The following LAMA3 variants were observed in gnomAD, a reference collection of about 807,000 sequenced individuals.
LAMA3 encodes the protein laminin subunit alpha-3.
In LAMA3, 281 loss-of-function variants were observed where a neutral mutation model predicts 402.0. That is an observed-to-expected ratio of 0.70 (90% CI 0.63 to 0.77). LAMA3 has a LOEUF of 0.77. Ranked by LOEUF, LAMA3 falls within the 30% of genes least tolerant of loss-of-function variation. The pLI, the probability that LAMA3 is intolerant of heterozygous loss-of-function variation, is 0.00. For missense variants in LAMA3, 3,840 were observed against 4,215.5 expected (o/e 0.91, Z 2.47); for synonymous variants, 1,431 against 1,558.4 (o/e 0.92, Z 1.93).
At chr18:23,787,281 TCAAA>T (rs1301059034) in intron 12 of LAMA3, among the ~76,000 whole-genome samples, 16 of 151,834 alleles carry the variant, frequency 1.1e-4, no homozygotes, top group African/African-American at 3.6e-4. Flanking sequence ...AAACTCTGTC[TCAAA>T]TAAATAAATA....
intron 8 of LAMA3, among the ~76,000 whole-genome samples, chr18:23,773,081 T>C (rs186314582): frequency 6.6e-6 from 1 of 152,242 alleles, no homozygotes; most frequent in Non-Finnish European, 1.5e-5. Flanking sequence ...CCTTCCAAAA[T>C]TGGAGAAGGT....
chr18:23,909,429 A>C, intron 55 of LAMA3, 134 bp downstream of exon 55: 1 of 827,942 alleles, frequency 1.2e-6, no homozygotes, highest in Non-Finnish European at 2.0e-6. Flanking sequence ...TGTTGCTTGA[A>C]TATAAAGATT....
intron 47 of LAMA3, among the ~76,000 whole-genome samples, chr18:23,900,444 G>A (rs891480892): frequency 6.6e-6 from 1 of 152,010 alleles, no homozygotes; most frequent in Admixed American, 6.6e-5. Context: ...TTCTATTTGT[G>A]GCATCATGTC....
At chr18:23,894,792 T>G in intron 43 of LAMA3, 115 bp from the exon 44 acceptor site, 1 of 1,316,476 alleles carries the variant, frequency 7.6e-7, no homozygotes, top group Non-Finnish European at 1.1e-6. Context: ...AGGGCTGTGG[T>G]TGTCACCCGT....
Position 23,903,145 on chromosome 18 carries a change from T to C in LAMA3, c.6318+20T>C. The C allele has an allele frequency of 7.2e-7, 1 of 1,388,088 alleles. No individual in the cohort carries two copies. Among genetic ancestry groups the C allele is most frequent in the Non-Finnish European group, 1.0e-6 (1 of 973,960 alleles). 86.0% of individuals were successfully genotyped at this position (1,388,088 alleles called of 1,614,324 possible). A position where few individuals can be genotyped will look rare whatever the true frequency, so the allele number is the denominator to read the frequency against. ...CAGAAGGTAGAGGAAATAGTTGTTC[T>C]CTAGAAAAATCTAAAAACATTTTAA... is the stretch of plus-strand genomic sequence containing the variant. On this transcript the variant is annotated intron_variant, in intron 49 of 74. Transcript: ENST00000313654.
rs139495056 is a variant in LAMA3 at position 23,873,063 on chromosome 18, C to T, written c.4998+1402C>T. 5.0e-6 allele frequency: 8 copies of T among 1,614,174 alleles called. No individual in the cohort carries two copies. The highest frequency in any genetic ancestry group is 6.8e-6 in the Non-Finnish European group (8 of 1,180,016). ...AACCGGGATGCCTCCAGCAGTGAGG[C>T]GGTCAGCCTGCAGCATGGGATGGCT... On this transcript the variant is annotated intron_variant, in intron 38 of 74. Coordinates refer to ENST00000313654, the MANE Select transcript of LAMA3 (RefSeq NM_198129.4).
chr18:23,859,706 G>A (rs1457210200), intron 34 of LAMA3, among the ~76,000 whole-genome samples: 1 of 152,178 alleles, frequency 6.6e-6, no homozygotes, highest in Non-Finnish European at 1.5e-5. Flanking sequence ...ACCCACCCAG[G>A]AGCTCTCCCA....
chr18:23,697,308 A>G (rs943732954), intron 1 of LAMA3, among the ~76,000 whole-genome samples: 1 of 152,206 alleles, frequency 6.6e-6, no homozygotes, highest in African/African-American at 2.4e-5. Flanking sequence ...CATGGGGGAA[A>G]GCTGCCCTCC....
rs2082446655 is a variant in LAMA3, at chr18:23,940,148, G to T, written c.9026+762G>T. Among the ~76,000 whole-genome samples, 4 of 152,330 alleles carry T rather than the reference G, an allele frequency of 2.6e-5. No homozygotes were observed. In the South Asian group the frequency reaches 8.3e-4, roughly 32 times the overall value. On this transcript the variant is annotated intron_variant, in intron 68 of 74. Transcript: ENST00000313654. Reference sequence around the variant, plus strand: ...CATTGTGGGGAAGCCTGTGAGAGATGACCAGAAGGGGACAGAGATGGGGGC... The same window carrying T: ...CATTGTGGGGAAGCCTGTGAGAGATTACCAGAAGGGGACAGAGATGGGGGC...
At chr18:23,866,523 TTTAGAG>T (rs1347860591) in intron 36 of LAMA3, among the ~76,000 whole-genome samples, 1 of 152,210 alleles carries the variant, frequency 6.6e-6, no homozygotes, top group Admixed American at 6.5e-5. Flanking sequence ...CAGCAAAGAT[TTTAGAG>T]TTATAGTCTA....
In LAMA3 at chr18:23,725,768, T is replaced by A. The variant is rs575471710; in HGVS notation, c.447+11696T>A. 6.6e-5 allele frequency among the ~76,000 whole-genome samples: 10 copies of A among 152,330 alleles called. No individual in the cohort carries two copies. The East Asian group carries it at 1.7e-3, about 26-fold the overall frequency. Reference sequence around the variant, plus strand: ...CTCTTCCTCACAAGGTTCCCTTTGGTCTTGTAGCCTCCAGATAAGGGTGCT... The same window carrying A: ...CTCTTCCTCACAAGGTTCCCTTTGGACTTGTAGCCTCCAGATAAGGGTGCT... On this transcript the variant is annotated intron_variant, in intron 2 of 74. Coordinates refer to ENST00000313654, the MANE Select transcript of LAMA3 (RefSeq NM_198129.4).
rs1389919945 is a variant in LAMA3, at chr18:23,931,065, A to G, written c.8440A>G (p.Arg2814Gly). ...GILLDHQTWTRNLQVTLEDGY... is the reference protein window; with the variant it reads ...GILLDHQTWTGNLQVTLEDGY... ...GTATTTTCTATGGTGATTTCAGACA[A>G]GGAACCTGCAGGTCACTCTGGAAGA... The change falls in exon 65 of 75, where the codon AGG becomes GGG. Residue 2814 changes from arginine (R) to glycine (G), a missense_variant. This residue lies in a region of LAMA3 where 840 missense variants were observed against 981.9 expected (regional missense o/e 0.86). Coordinates refer to ENST00000313654, the MANE Select transcript of LAMA3 (RefSeq NM_198129.4). 1 of 1,613,494 alleles carries G rather than the reference A, an allele frequency of 6.2e-7. No homozygotes were observed. The highest frequency in any genetic ancestry group is 1.3e-5 in the African/African-American group (1 of 74,938).
chr18:23,798,466 C>T (rs2062808654), intron 12 of LAMA3, among the ~76,000 whole-genome samples: 1 of 152,180 alleles, frequency 6.6e-6, no homozygotes, highest in Admixed American at 6.5e-5. Flanking sequence ...CTGAGTCAGA[C>T]ACCGGCCGGG....
At chr18:23,766,956 C>T (rs1348084323) in intron 8 of LAMA3, among the ~76,000 whole-genome samples, 5 of 152,092 alleles carry the variant, frequency 3.3e-5, no homozygotes, top group African/African-American at 1.2e-4. Context: ...TGATATGATT[C>T]TATACTTAGA....
At chr18:23,734,826 A>G (rs945042857) in intron 2 of LAMA3, among the ~76,000 whole-genome samples, 3 of 152,232 alleles carry the variant, frequency 2.0e-5, no homozygotes, top group South Asian at 2.1e-4. Context: ...AGAAGAAGCC[A>G]GAAATTTACA....
chr18:23,831,538 C>T (rs779323921), intron 23 of LAMA3, among the ~76,000 whole-genome samples: 1 of 152,126 alleles, frequency 6.6e-6, no homozygotes, highest in Non-Finnish European at 1.5e-5. Context: ...AAGCCTTCCG[C>T]TCTCCCTCAT....
chr18:23,712,533 G>A (rs1050217153), intron 1 of LAMA3, among the ~76,000 whole-genome samples: 4 of 151,122 alleles, frequency 2.6e-5, no homozygotes, highest in Admixed American at 6.6e-5. Context: ...AAGTGATAGA[G>A]GGAAGAGCAG....
At position 23,794,064 on chromosome 18, in the gene LAMA3, C is replaced by A. The variant is rs533709544; in HGVS notation, c.1603+9907C>A. ...GGGGAAGAGACTGGGAGCTTCCATG[C>A]CCTCCCTGGGCCCCACCCTCCAGGA... On this transcript the variant is annotated intron_variant, in intron 12 of 74. Coordinates refer to ENST00000313654, the MANE Select transcript of LAMA3 (RefSeq NM_198129.4). Among the ~76,000 whole-genome samples, 204 of 152,368 alleles carry A rather than the reference C, an allele frequency of 1.3e-3. 1 individual carries two copies. Among genetic ancestry groups the A allele is most frequent in the African/African-American group, 4.8e-3 (199 of 41,584 alleles).
At chr18:23,900,636 T>C (rs1168479429) in intron 47 of LAMA3, among the ~76,000 whole-genome samples, 1 of 152,256 alleles carries the variant, frequency 6.6e-6, no homozygotes, top group African/African-American at 2.4e-5. Flanking sequence ...GTTTAGTGCA[T>C]ACTTTTTACA....
Sources: gnomAD v4.1 joint callset for allele counts (sites outside exome capture counted in the v4.1 genomes callset) on GRCh38, gnomAD v4.1.1 for gene constraint, gnomAD v4.1.1 regional missense constraint, MANE v1.5 for transcripts, NCBI Gene and HGNC (gene_info 2026-07-23, HGNC 2026-07-21) for gene names.